The following ITGA8 variants were observed in gnomAD, a reference collection of about 807,000 sequenced individuals.
The protein encoded by ITGA8 is integrin alpha-8.
In ITGA8, 91 loss-of-function variants were observed where a neutral mutation model predicts 142.3. The observed-to-expected ratio is 0.64, with a 90% CI of 0.54 to 0.76. The LOEUF is 0.76. Ranked by LOEUF, ITGA8 falls within the 30% of genes least tolerant of loss-of-function variation. The probability of loss-of-function intolerance (pLI) is 0.00; values close to 1 mark genes in which losing one functional copy is unlikely to be tolerated. For synonymous variants in ITGA8, 505 were observed against 485.2 expected, an observed-to-expected ratio of 1.04 and a Z score of -0.54; for missense variants, 1,406 against 1,327.7, an observed-to-expected ratio of 1.06 and a Z score of -0.92.
At chr10:15,590,161 AT>A (rs1236808554) in intron 22 of ITGA8, among the ~76,000 whole-genome samples, 2 of 152,144 alleles carry the variant, frequency 1.3e-5, no homozygotes, top group African/African-American at 4.8e-5. Flanking sequence ...GCATCTTTAT[AT>A]TTTTTAAGGG....
chr10:15,714,063 C>T (rs150818833), intron 2 of ITGA8, among the ~76,000 whole-genome samples: 1 of 152,240 alleles, frequency 6.6e-6, no homozygotes, highest in African/African-American at 2.4e-5. Flanking sequence ...ATTATTAGTG[C>T]TTTGATGATT....
At chr10:15,674,244 C>A (rs1197231998) in intron 6 of ITGA8, among the ~76,000 whole-genome samples, 1 of 152,142 alleles carries the variant, frequency 6.6e-6, no homozygotes, top group Non-Finnish European at 1.5e-5. Context: ...AGCTAAATAC[C>A]CTCTTTCCTC....
In ITGA8 at chr10:15,516,596, A is replaced by G. The variant is rs565915782; in HGVS notation, c.*562T>C. The G allele has an allele frequency of 2.0e-5, 3 of 152,306 alleles. No homozygotes were observed. In the East Asian group the frequency reaches 5.8e-4, roughly 29 times the overall value. The allele number at this position is 152,306 out of a possible 1,614,324, so 9.4% of individuals were successfully genotyped here. A position where few individuals can be genotyped will look rare whatever the true frequency, so the allele number is the denominator to read the frequency against. On this transcript the variant is annotated 3_prime_UTR_variant, in exon 30 of 30. Coordinates refer to ENST00000378076, the MANE Select transcript of ITGA8 (RefSeq NM_003638.3). ...ATAAACTCTCACCCTCACTCACAAG[A>G]TTATTTTTGTCCTTTCAAAAGTACT...
At chr10:15,678,585 C>A in intron 5 of ITGA8, 137 bp downstream of exon 5, 1 of 536,404 alleles carries the variant, frequency 1.9e-6, no homozygotes. Flanking sequence ...AAGCATTTGC[C>A]CAAACAGGCT....
intron 20 of ITGA8, among the ~76,000 whole-genome samples, chr10:15,599,700 C>T (rs532414629): frequency 2.6e-5 from 3 of 116,576 alleles, no homozygotes; most frequent in South Asian, 3.6e-4. Context: ...GCAGGTGGAT[C>T]GCCTGAGGTC....
At chr10:15,562,935 C>G (rs1357890213) in intron 25 of ITGA8, among the ~76,000 whole-genome samples, 3 of 152,114 alleles carry the variant, frequency 2.0e-5, no homozygotes, top group Non-Finnish European at 4.4e-5. Context: ...GTGGGAGATG[C>G]TGGGGTCACG....
intron 2 of ITGA8, among the ~76,000 whole-genome samples, chr10:15,706,436 C>T (rs1835259172): frequency 6.6e-6 from 1 of 152,026 alleles, no homozygotes; most frequent in South Asian, 2.1e-4. Context: ...TGTTTTTCAA[C>T]AAAATCTAAG....
At chr10:15,580,794 T>A (rs920872277) in intron 23 of ITGA8, among the ~76,000 whole-genome samples, 1 of 152,160 alleles carries the variant, frequency 6.6e-6, no homozygotes, top group Non-Finnish European at 1.5e-5. Flanking sequence ...ATAAAGGGTG[T>A]CCACAAAATC....
chr10:15,685,437 G>A (rs924394030), intron 3 of ITGA8, among the ~76,000 whole-genome samples: 1 of 152,106 alleles, frequency 6.6e-6, no homozygotes, highest in South Asian at 2.1e-4. Context: ...TGATTTAACT[G>A]CCCACAGGAC....
chr10:15,627,161 C>T (rs574826227), intron 13 of ITGA8, among the ~76,000 whole-genome samples: 1 of 152,214 alleles, frequency 6.6e-6, no homozygotes, highest in Non-Finnish European at 1.5e-5. Context: ...GGTCATATTA[C>T]AAACACAGGC....
chr10:15,676,269 T>C (rs117095468), intron 6 of ITGA8, among the ~76,000 whole-genome samples: 1 of 152,296 alleles, frequency 6.6e-6, no homozygotes, highest in Non-Finnish European at 1.5e-5. Flanking sequence ...CAAGTTAACT[T>C]TGCGTTGCTG....
rs189590664 is a variant in ITGA8, at chr10:15,536,486, T to C, written c.2881-5335A>G. 1.3e-3 allele frequency among the ~76,000 whole-genome samples: 203 copies of C among 152,314 alleles called. 3 individuals carry two copies. The highest frequency in any genetic ancestry group is 4.7e-3 in the African/African-American group (195 of 41,564). ...TTACGGGCAGAGGTGTAATAGTGAT[T>C]CCACATCCAAAGTTAAATGCTTCCA... is the stretch of plus-strand genomic sequence containing the variant. On this transcript the variant is annotated intron_variant, in intron 27 of 29. Transcript: ENST00000378076.
chr10:15,538,930 C>T (rs927858385), intron 27 of ITGA8, among the ~76,000 whole-genome samples: 1 of 146,962 alleles, frequency 6.8e-6, no homozygotes, highest in African/African-American at 2.5e-5. Flanking sequence ...CTTCAAGAAA[C>T]CACCTGACAT....
At chr10:15,593,859 T>TTTTTTTTTA (rs1832966052) in intron 21 of ITGA8, among the ~76,000 whole-genome samples, 1 of 132,960 alleles carries the variant, frequency 7.5e-6, no homozygotes, top group African/African-American at 2.8e-5. Flanking sequence ...TTTTTTTTTT[T>TTTTTTTTTA]GAGACAGAGT....
At position 15,597,275 on chromosome 10, in the gene ITGA8, A is replaced by G; in HGVS notation, c.2143T>C (p.Tyr715His). Reference sequence around the variant, plus strand: ...ATCCTGGTTACATTTTCCATCTTGTACTCACAGCTCAGTGGTCGAAATCCC... The same window carrying G: ...ATCCTGGTTACATTTTCCATCTTGTGCTCACAGCTCAGTGGTCGAAATCCC... Reference protein sequence around the residue: ...NKGFRPLSCEYKMENVTRMVV... With the variant: ...NKGFRPLSCEHKMENVTRMVV... The change falls in exon 21 of 30, where the codon TAC (tyrosine) becomes CAC (histidine). Residue 715 changes from tyrosine (Y) to histidine (H), a missense_variant. Transcript: ENST00000378076. 6.2e-7 allele frequency: 1 copy of G among 1,614,044 alleles called. No homozygotes were observed. Among genetic ancestry groups the G allele is most frequent in the South Asian group, 1.1e-5 (1 of 91,084 alleles).
intron 8 of ITGA8, among the ~76,000 whole-genome samples, chr10:15,665,834 C>T (rs1309726022): frequency 6.5e-4 from 99 of 151,984 alleles, no homozygotes; most frequent in East Asian, 9.7e-4. Flanking sequence ...TGTAGATATG[C>T]GGCATTATTT....
chr10:15,616,481 GA>G, intron 14 of ITGA8, 32 bp downstream of exon 14: 1 of 1,521,076 alleles, frequency 6.6e-7, no homozygotes, highest in Non-Finnish European at 9.1e-7. Flanking sequence ...TTGAAACAAT[GA>G]GAAAAACATT....
intron 26 of ITGA8, among the ~76,000 whole-genome samples, chr10:15,556,839 C>A (rs533508024): frequency 8.2e-4 from 125 of 152,304 alleles, no homozygotes; most frequent in African/African-American, 2.8e-3. Context: ...TCACCATCCC[C>A]ACTTCTCTTG....
Position 15,535,496 on chromosome 10 carries a change from C to A in ITGA8, c.2881-4345G>T, listed in dbSNP as rs539337947. Among the ~76,000 whole-genome samples, 7 of 152,304 alleles carry A rather than the reference C, an allele frequency of 4.6e-5. No individual in the cohort carries two copies. The East Asian group carries it at 1.4e-3, about 29-fold the overall frequency. ...TGTAGCTCAAGGTTTGTAAACACAC[C>A]AATCAGCACCCTGTGTCTAGCTCAG... On this transcript the variant is annotated intron_variant, in intron 27 of 29. Transcript: ENST00000378076.
Sources: gnomAD v4.1 joint callset for allele counts (sites outside exome capture counted in the v4.1 genomes callset) on GRCh38, gnomAD v4.1.1 for gene constraint, MANE v1.5 for transcripts, NCBI Gene and HGNC (gene_info 2026-07-23, HGNC 2026-07-21) for gene names.